TIMELESS: variants seen among roughly 807,000 people sequenced by gnomAD.
TIMELESS encodes protein timeless homolog.
TIMELESS carries 124 observed loss-of-function variants against 164.3 expected under a neutral mutation model. The ratio of observed to expected loss-of-function variants is 0.75; its 90% CI spans 0.65 to 0.88. TIMELESS has a LOEUF of 0.88. Among genes scored for constraint, TIMELESS ranks in the 40% least tolerant of loss-of-function variants. TIMELESS has a pLI of 0.00. For synonymous variants in TIMELESS, 564 were observed against 563.4 expected, an observed-to-expected ratio of 1.00 and a Z score of -0.02; for missense variants, 1,422 against 1,491.4, an observed-to-expected ratio of 0.95 and a Z score of 0.77.
intron 1 of TIMELESS, among the ~76,000 whole-genome samples, chr12:56,441,977 G>A (rs934179865): frequency 2.0e-5 from 3 of 150,800 alleles, no homozygotes; most frequent in Non-Finnish European, 3.0e-5. Flanking sequence ...CCAGCTCCTC[G>A]GGAGGCTGAG....
Position 56,421,882 on chromosome 12 carries a change from A to G in TIMELESS, c.2642+17T>C. ...GAGTCCCCATCCCAATAGCCTCCAG[A>G]GCATGTGCCTCTCTACCTTTGGAAG... is the stretch of plus-strand genomic sequence containing the variant. On this transcript the variant is annotated intron_variant, in intron 21 of 28. Transcript: ENST00000553532. The G allele has an allele frequency of 6.2e-7, 1 of 1,613,728 alleles. No individual in the cohort carries two copies. The highest frequency in any genetic ancestry group is 2.2e-5 in the East Asian group (1 of 44,886).
chr12:56,430,072 C>T, intron 10 of TIMELESS, 33 bp downstream of exon 10: 1 of 1,575,160 alleles, frequency 6.3e-7, no homozygotes, highest in Non-Finnish European at 8.6e-7. Flanking sequence ...TATTCCATTC[C>T]TGATTATCTC....
chr12:56,421,239 G>T, intron 23 of TIMELESS, 105 bp from the exon 24 acceptor site: 6 of 1,583,014 alleles, frequency 3.8e-6, no homozygotes, highest in Middle Eastern at 1.8e-4. Flanking sequence ...CTGCTCTCTC[G>T]GAAGGACCTG....
chr12:56,429,497 C>CTTTTTTTTTTTTTTTTTTTTTTTTTTTTT (rs35987061), intron 10 of TIMELESS, among the ~76,000 whole-genome samples: 1 of 50,084 alleles, frequency 2.0e-5, no homozygotes, highest in African/African-American at 7.8e-5. Context: ...TGCGCCTGGT[C>CTTTTTTTTTTTTTTTTTTTTTTTTTTTTT]TTTTTTTTTT....
Position 56,428,880 on chromosome 12 carries a change from C to T in TIMELESS, c.1304+3G>A. ...CTGTATCTCCAGTAACCATCCCACT[C>T]ACCGGCGTGCCCAGGAGGCAGCTTC... On this transcript the variant is annotated splice_donor_region_variant and intron_variant, in intron 11 of 28. Transcript: ENST00000553532. 1.2e-6 allele frequency: 2 copies of T among 1,613,278 alleles called. No homozygotes were observed. The highest frequency in any genetic ancestry group is 1.7e-6 in the Non-Finnish European group (2 of 1,179,896).
rs767495664 is a variant in TIMELESS at position 56,417,683 on chromosome 12, G to A, written c.*33C>T. On this transcript the variant is annotated 3_prime_UTR_variant, in exon 29 of 29. Transcript: ENST00000553532. Reference sequence around the variant, plus strand: ...TGACTTGAATGCACCATCTAAAAACGTGTCTATCTCTACCCCTAGGCTTCT... The same window carrying A: ...TGACTTGAATGCACCATCTAAAAACATGTCTATCTCTACCCCTAGGCTTCT... 53 of 1,609,406 alleles carry A rather than the reference G, an allele frequency of 3.3e-5. No individual in the cohort carries two copies. The highest frequency in any genetic ancestry group is 4.3e-5 in the Non-Finnish European group (51 of 1,175,944).
At position 56,428,331 on chromosome 12, in the gene TIMELESS, G is replaced by A; in HGVS notation, c.1483C>T (p.Pro495Ser). ...ACCAGGTCACGAAGGAAAGAGCGGG[G>A]CTGGCATCTCTCATCAAACTTTCGA... ...LFRKFDERCQ[P>S]RSFLRDLVET... The change falls in exon 13 of 29, where the codon CCC becomes TCC. Residue 495 changes from proline (P) to serine (S), a missense_variant. Coordinates refer to ENST00000553532, the MANE Select transcript of TIMELESS (RefSeq NM_003920.5). The A allele has an allele frequency of 6.2e-7, 1 of 1,613,754 alleles. No individual in the cohort carries two copies. Among genetic ancestry groups the A allele is most frequent in the Non-Finnish European group, 8.5e-7 (1 of 1,179,700 alleles).
chr12:56,424,030 A>G (rs1358029350), intron 15 of TIMELESS, 136 bp from the exon 16 acceptor site: 2 of 770,680 alleles, frequency 2.6e-6, no homozygotes, highest in African/African-American at 3.5e-5. Context: ...CTCAAATGAA[A>G]CAAAGACTCC....
chr12:56,445,826 A>G (rs543259542), intron 1 of TIMELESS, among the ~76,000 whole-genome samples: 2 of 152,020 alleles, frequency 1.3e-5, no homozygotes, highest in South Asian at 2.1e-4. Context: ...TTCTATCCCA[A>G]TTGCTACTGC....
At chr12:56,423,125 A>T in intron 18 of TIMELESS, 133 bp from the exon 19 acceptor site, 1 of 1,401,366 alleles carries the variant, frequency 7.1e-7, no homozygotes. Context: ...TTCTCCATGC[A>T]GCTCCCTCAA....
intron 1 of TIMELESS, among the ~76,000 whole-genome samples, chr12:56,435,198 G>A (rs1250922845): frequency 6.6e-6 from 1 of 152,068 alleles, no homozygotes. Flanking sequence ...CTGAGACACT[G>A]CGAATGTGTA....
At chr12:56,431,766 T>C (rs1026516285) in intron 7 of TIMELESS, among the ~76,000 whole-genome samples, 162 bp from the exon 8 acceptor site, 2 of 151,910 alleles carry the variant, frequency 1.3e-5, no homozygotes, top group African/African-American at 4.8e-5. Flanking sequence ...AGACACCCAC[T>C]GGATGCCTGA....
At chr12:56,442,635 G>C (rs1469570859) in intron 1 of TIMELESS, among the ~76,000 whole-genome samples, 1 of 151,920 alleles carries the variant, frequency 6.6e-6, no homozygotes, top group Non-Finnish European at 1.5e-5. Context: ...CATAACCTCA[G>C]ATCAATGCAA....
At chr12:56,434,463 C>T (rs572069909) in intron 1 of TIMELESS, among the ~76,000 whole-genome samples, 204 of 152,316 alleles carry the variant, frequency 1.3e-3, no homozygotes, top group African/African-American at 4.6e-3. Context: ...CCTGGCCAGG[C>T]GCGGTGGCTC....
intron 1 of TIMELESS, among the ~76,000 whole-genome samples, chr12:56,441,899 T>C: frequency 6.6e-6 from 1 of 151,850 alleles, no homozygotes. Context: ...CTGGCCAACA[T>C]GATGAAACCC....
At chr12:56,435,265 T>C (rs989385338) in intron 1 of TIMELESS, among the ~76,000 whole-genome samples, 2 of 151,856 alleles carry the variant, frequency 1.3e-5, no homozygotes, top group African/African-American at 2.4e-5. Flanking sequence ...GTAATTTCAG[T>C]AGAAATCAGC....
At chr12:56,418,046 G>T (rs1487724352) in intron 27 of TIMELESS, 38 bp from the exon 28 acceptor site, 5 of 1,613,534 alleles carry the variant, frequency 3.1e-6, no homozygotes, top group Admixed American at 1.7e-5. Flanking sequence ...TAGGAACTCG[G>T]TCCTCATATT....
Position 56,422,180 on chromosome 12 carries a change from C to A in TIMELESS, c.2450G>T (p.Arg817Leu). The A allele has an allele frequency of 1.2e-6, 2 of 1,613,938 alleles. No homozygotes were observed. Among genetic ancestry groups the A allele is most frequent in the Non-Finnish European group, 1.7e-6 (2 of 1,180,006 alleles). Reference protein sequence around the residue: ...YGSLDDRSSSRRAPTWSPEEE... With the variant: ...YGSLDDRSSSLRAPTWSPEEE... ...TTCGGGGCTCCATGTAGGTGCTCTG[C>A]GACTGGAAGACCTGAATGGTGAAAG... The change falls in exon 20 of 29, where the codon CGC (arginine) becomes CTC (leucine). Residue 817 changes from arginine (R) to leucine (L), a missense_variant. Transcript: ENST00000553532.
chr12:56,431,262 G>C (rs1039579902), intron 8 of TIMELESS, among the ~76,000 whole-genome samples: 2 of 151,172 alleles, frequency 1.3e-5, no homozygotes, highest in Non-Finnish European at 2.9e-5. Context: ...GCTGAGGCAG[G>C]AGAATCGCTT....
Sources: allele counts gnomAD v4.1 joint callset (sites outside exome capture counted in the v4.1 genomes callset), GRCh38; gene constraint gnomAD v4.1.1; transcripts MANE v1.5; gene names NCBI Gene and HGNC (gene_info 2026-07-23, HGNC 2026-07-21).